Variants in TP63 observed in about 807,000 individuals in gnomAD.
TP63 encodes the protein tumor protein p63, also known as tumor protein 63.
In TP63, 17 loss-of-function variants were observed where a neutral mutation model predicts 82.8. The observed-to-expected ratio is 0.21, with a 90% CI of 0.14 to 0.31. The LOEUF (loss-of-function observed/expected upper bound fraction) is 0.31, where lower values mean the gene tolerates loss of function less well. Among genes scored for constraint, TP63 ranks in the 10% least tolerant of loss-of-function variants. The probability of loss-of-function intolerance (pLI) is 1.00; values close to 1 mark genes in which losing one functional copy is unlikely to be tolerated. For missense variants in TP63, 648 were observed against 895.3 expected, an observed-to-expected ratio of 0.72 and a Z score of 3.52; for synonymous variants, 330 against 321.7, an observed-to-expected ratio of 1.03 and a Z score of -0.28.
intron 3 of TP63, among the ~76,000 whole-genome samples, chr3:189,741,166 T>G (rs1173217759): frequency 6.6e-6 from 1 of 151,002 alleles, no homozygotes; most frequent in Non-Finnish European, 1.5e-5. Context: ...AGAATTTAAC[T>G]GAATAAACTT....
At chr3:189,674,211 A>C (rs1047666130) in intron 1 of TP63, among the ~76,000 whole-genome samples, 5 of 152,086 alleles carry the variant, frequency 3.3e-5, no homozygotes, top group African/African-American at 1.2e-4. Context: ...TAATATGAGA[A>C]ATTTCTTTTT....
chr3:189,682,396 G>A (rs1920284), intron 1 of TP63, among the ~76,000 whole-genome samples: 27,074 of 147,874 alleles, frequency 0.18, 3,168 homozygotes, highest in Non-Finnish European at 0.26. Context: ...GAAGTTTCTA[G>A]GAGGGGGGTA....
At chr3:189,712,830 A>C (rs1325260015) in intron 1 of TP63, among the ~76,000 whole-genome samples, 2 of 152,180 alleles carry the variant, frequency 1.3e-5, no homozygotes, top group African/African-American at 2.4e-5. Context: ...ATTATGAATT[A>C]TGTTTTATTA....
chr3:189,838,406 G>A (rs749820006), intron 4 of TP63, among the ~76,000 whole-genome samples: 6 of 152,078 alleles, frequency 3.9e-5, no homozygotes, highest in East Asian at 1.9e-4. Flanking sequence ...ATTCTTTTCC[G>A]TGTTGGGGCT....
chr3:189,620,700 G>C, the TP63 span, among the ~76,000 whole-genome samples: 1 of 152,126 alleles, frequency 6.6e-6, no homozygotes, highest in Non-Finnish European at 1.5e-5. Flanking sequence ...CTTGTTTGTA[G>C]CCCTACTAGG....
At chr3:189,772,950 T>TTAAA (rs1248192993) in intron 3 of TP63, among the ~76,000 whole-genome samples, 3 of 152,244 alleles carry the variant, frequency 2.0e-5, no homozygotes, top group Non-Finnish European at 4.4e-5. Flanking sequence ...AGCTGTATAC[T>TTAAA]TAAACATCAA....
intron 3 of TP63, among the ~76,000 whole-genome samples, chr3:189,753,258 C>T (rs1399996234): frequency 6.6e-6 from 1 of 152,028 alleles, no homozygotes; most frequent in Non-Finnish European, 1.5e-5. Context: ...CTTCAACTGT[C>T]ATTATGAATG....
chr3:189,655,969 C>T (rs1156653771), intron 1 of TP63, among the ~76,000 whole-genome samples: 5 of 152,158 alleles, frequency 3.3e-5, no homozygotes, highest in East Asian at 3.9e-4. Flanking sequence ...GACAGGGACT[C>T]ATTGCTTTTG....
chr3:189,870,499 T>C (rs1285804872), intron 9 of TP63, among the ~76,000 whole-genome samples: 1 of 152,192 alleles, frequency 6.6e-6, no homozygotes, highest in East Asian at 1.9e-4. Context: ...ATAAGGGACT[T>C]GAGCAACCTA....
chr3:189,835,326 A>G (rs1310742989), intron 4 of TP63, among the ~76,000 whole-genome samples: 1 of 152,210 alleles, frequency 6.6e-6, no homozygotes, highest in Non-Finnish European at 1.5e-5. Context: ...AAGGCATGTA[A>G]AACAAAAGAT....
chr3:189,827,237 G>A (rs1371666990), intron 4 of TP63, among the ~76,000 whole-genome samples: 4 of 152,336 alleles, frequency 2.6e-5, no homozygotes, highest in Admixed American at 1.3e-4. Flanking sequence ...GCTATAATCT[G>A]TCTGGAATGT....
chr3:189,756,400 T>C (rs986625996), intron 3 of TP63, among the ~76,000 whole-genome samples: 3 of 152,234 alleles, frequency 2.0e-5, no homozygotes, highest in African/African-American at 4.8e-5. Flanking sequence ...TTCTCTGTTC[T>C]GTTCTTTGTA....
intron 1 of TP63, among the ~76,000 whole-genome samples, chr3:189,638,375 G>T (rs1168177308): frequency 6.6e-6 from 1 of 152,092 alleles, no homozygotes; most frequent in East Asian, 1.9e-4. Context: ...AAAAGTACTT[G>T]TATAGAAATA....
chr3:189,652,879 G>A (rs1713015197), intron 1 of TP63, among the ~76,000 whole-genome samples: 1 of 146,822 alleles, frequency 6.8e-6, no homozygotes, highest in Admixed American at 6.7e-5. Context: ...ACCATGTGAA[G>A]AAAGATATGT....
intron 4 of TP63, among the ~76,000 whole-genome samples, chr3:189,824,375 G>A (rs921738412): frequency 2.6e-5 from 4 of 152,038 alleles, no homozygotes; most frequent in African/African-American, 9.7e-5. Flanking sequence ...TAGGACTACA[G>A]GTGCCTGCCA....
At chr3:189,750,125 G>GAA (rs71175309) in intron 3 of TP63, among the ~76,000 whole-genome samples, 10 of 95,470 alleles carry the variant, frequency 1.0e-4, no homozygotes, top group East Asian at 2.9e-4. Context: ...CTCTGTCTCA[G>GAA]AAAAAAAAAA....
chr3:189,894,859 A>T lies in TP63; in HGVS notation c.*357A>T, dbSNP rs1721354682. ...ATATATAAATGTATAAATATACAGT[A>T]TAGATTTTTGGGTGGGGGGCATTGA... On this transcript the variant is annotated 3_prime_UTR_variant, in exon 14 of 14. Coordinates refer to ENST00000264731, the MANE Select transcript of TP63 (RefSeq NM_003722.5). 4.2e-6 allele frequency: 1 copy of T among 240,190 alleles called. No individual in the cohort carries two copies. The highest frequency in any genetic ancestry group is 8.2e-6 in the Non-Finnish European group (1 of 121,940). 14.9% of individuals were successfully genotyped at this position (240,190 alleles called of 1,614,324 possible).
In TP63 at chr3:189,894,844, G is replaced by A; in HGVS notation, c.*342G>A. 3.7e-6 allele frequency: 1 copy of A among 269,420 alleles called. No individual in the cohort carries two copies. The highest frequency in any genetic ancestry group is 5.6e-5 in the East Asian group (1 of 18,014). The allele number at this position is 269,420 out of a possible 1,614,324, so 16.7% of individuals were successfully genotyped here. A position where few individuals can be genotyped will look rare whatever the true frequency, so the allele number is the denominator to read the frequency against. ...ATAGTCTAAGACTATATATATAAATGTATAAATATACAGTATAGATTTTTG... is the reference window on the plus strand; with the variant it reads ...ATAGTCTAAGACTATATATATAAATATATAAATATACAGTATAGATTTTTG... On this transcript the variant is annotated 3_prime_UTR_variant, in exon 14 of 14. Transcript: ENST00000264731.
chr3:189,821,092 A>G (rs1236796096), intron 4 of TP63, among the ~76,000 whole-genome samples: 6 of 152,180 alleles, frequency 3.9e-5, no homozygotes, highest in Non-Finnish European at 4.4e-5. Context: ...TTAAATATCT[A>G]TTTGAATTTT....
Sources: allele counts gnomAD v4.1 joint callset (sites outside exome capture counted in the v4.1 genomes callset), GRCh38; gene constraint gnomAD v4.1.1; transcripts MANE v1.5; gene names NCBI Gene and HGNC (gene_info 2026-07-23, HGNC 2026-07-21).